Variants in CLNK observed in about 807,000 individuals in gnomAD.
CLNK encodes cytokine-dependent hematopoietic cell linker.
In CLNK, 74 loss-of-function variants were observed where a neutral mutation model predicts 68.6. The observed-to-expected ratio is 1.08, with a 90% confidence interval of 0.89 to 1.31. The LOEUF is 1.31. Among genes scored for constraint, CLNK ranks in the 50% most tolerant of loss-of-function variants. The pLI is 0.00. For synonymous variants in CLNK, 198 were observed against 172.2 expected (o/e 1.15, Z -1.17); for missense variants, 553 against 515.3 (o/e 1.07, Z -0.71).
In CLNK at chr4:10,488,069, A is replaced by G. The variant is rs1209144395; in HGVS notation, c.*2398T>C. The G allele has an allele frequency of 2.0e-5, 3 of 152,152 alleles. No individual in the cohort carries two copies. Among genetic ancestry groups the G allele is most frequent in the Non-Finnish European group, 4.4e-5 (3 of 68,016 alleles). 9.4% of individuals were successfully genotyped at this position (152,152 alleles called of 1,614,324 possible). A position where few individuals can be genotyped will look rare whatever the true frequency, so the allele number is the denominator to read the frequency against. Reference sequence around the variant, plus strand: ...TACAGAAGTGTTCAAATACACAAAAATATTGTAAGCTTTTTATTGCAAGAT... The same window carrying G: ...TACAGAAGTGTTCAAATACACAAAAGTATTGTAAGCTTTTTATTGCAAGAT... On this transcript the variant is annotated 3_prime_UTR_variant, in exon 19 of 19. Transcript: ENST00000226951.
chr4:10,571,839 A>T (rs1720367180), intron 4 of CLNK, 61 bp from the exon 5 acceptor site: 1 of 1,297,970 alleles, frequency 7.7e-7, no homozygotes, highest in East Asian at 2.3e-5. Flanking sequence ...AACATCAAAA[A>T]GACTGGGCCC....
intron 1 of CLNK, among the ~76,000 whole-genome samples, chr4:10,678,353 A>C (rs1480937359): frequency 6.6e-6 from 1 of 152,204 alleles, no homozygotes; most frequent in African/African-American, 2.4e-5. Flanking sequence ...CTATGCAAGA[A>C]TAGTTCCACA....
chr4:10,600,877 G>C (rs1047610331), intron 2 of CLNK, among the ~76,000 whole-genome samples: 2 of 152,160 alleles, frequency 1.3e-5, no homozygotes, highest in African/African-American at 4.8e-5. Context: ...TGTAGCATTT[G>C]CCTAAATGGC....
In CLNK at chr4:10,507,977, T is replaced by C; in HGVS notation, c.966A>G (p.Ala322=). ...GCATTACCTTGTTCTCCTTCATGAA[T>C]GCCTCTTCCACTGCCTGGCGGCTGT... is the stretch of plus-strand genomic sequence containing the variant. ...GEYSRQAVEE[A]FMKENKDGSF... Residue 322 remains alanine, a synonymous_variant, in exon 17 of 19, where the codon GCA becomes GCG. Transcript: ENST00000226951. 1.2e-6 allele frequency: 2 copies of C among 1,609,430 alleles called. No individual in the cohort carries two copies. Among genetic ancestry groups the C allele is most frequent in the Non-Finnish European group, 1.7e-6 (2 of 1,177,884 alleles).
the CLNK span, among the ~76,000 whole-genome samples, chr4:10,725,734 A>C: frequency 6.6e-6 from 1 of 152,090 alleles, no homozygotes. Flanking sequence ...GGGCGCCTGT[A>C]GTCCCAGCTA....
intron 18 of CLNK, among the ~76,000 whole-genome samples, chr4:10,499,885 A>G (rs1716969567): frequency 6.6e-6 from 1 of 152,042 alleles, no homozygotes; most frequent in Admixed American, 6.5e-5. Flanking sequence ...CATCTCTCAT[A>G]TTGGATTAGG....
At chr4:10,589,140 G>A (rs1015135843) in intron 3 of CLNK, among the ~76,000 whole-genome samples, 3 of 152,182 alleles carry the variant, frequency 2.0e-5, no homozygotes, top group African/African-American at 7.2e-5. Context: ...GAGGGTGGGA[G>A]GAAACTTTTG....
chr4:10,492,121 G>T (rs1716600440), intron 18 of CLNK, among the ~76,000 whole-genome samples: 1 of 152,208 alleles, frequency 6.6e-6, no homozygotes, highest in Non-Finnish European at 1.5e-5. Context: ...CAGGGGGAAT[G>T]ATCTTCCCTA....
chr4:10,609,216 T>C (rs187454319), intron 2 of CLNK, among the ~76,000 whole-genome samples: 6 of 152,320 alleles, frequency 3.9e-5, no homozygotes, highest in Admixed American at 2.0e-4. Context: ...CTTTATTTAC[T>C]CCTGATTTGA....
intron 18 of CLNK, among the ~76,000 whole-genome samples, chr4:10,494,763 C>G (rs1716740532): frequency 6.6e-6 from 1 of 151,992 alleles, no homozygotes; most frequent in Non-Finnish European, 1.5e-5. Flanking sequence ...CCAGCCTGGT[C>G]CTTTCTTATT....
chr4:10,570,448 T>A (rs1577136756), intron 5 of CLNK, among the ~76,000 whole-genome samples: 1 of 152,196 alleles, frequency 6.6e-6, no homozygotes, highest in African/African-American at 2.4e-5. Flanking sequence ...TAGAGTTATA[T>A]CTATTTATCT....
At chr4:10,622,668 A>T (rs1387893936) in intron 2 of CLNK, among the ~76,000 whole-genome samples, 2 of 152,234 alleles carry the variant, frequency 1.3e-5, no homozygotes, top group African/African-American at 2.4e-5. Flanking sequence ...TACCAAATTC[A>T]TACTATGAAA....
At chr4:10,667,347 A>G (rs150746217) in intron 2 of CLNK, among the ~76,000 whole-genome samples, 3 of 148,212 alleles carry the variant, frequency 2.0e-5, no homozygotes, top group African/African-American at 7.5e-5. Context: ...CACTATAAAT[A>G]TTTCTTAAAC....
intron 16 of CLNK, among the ~76,000 whole-genome samples, chr4:10,511,406 T>G (rs1485366923): frequency 6.6e-6 from 1 of 152,196 alleles, no homozygotes; most frequent in Non-Finnish European, 1.5e-5. Context: ...GGTGTATAAT[T>G]CAGTGGCATT....
intron 1 of CLNK, among the ~76,000 whole-genome samples, chr4:10,676,539 T>C (rs1724883314): frequency 6.6e-6 from 1 of 152,170 alleles, no homozygotes; most frequent in East Asian, 1.9e-4. Context: ...TGTGCATTCA[T>C]TTTAATTTTA....
At chr4:10,674,918 A>T (rs1259285202) in intron 1 of CLNK, among the ~76,000 whole-genome samples, 2 of 150,614 alleles carry the variant, frequency 1.3e-5, no homozygotes, top group Non-Finnish European at 3.0e-5. Flanking sequence ...ATCCGTGTTC[A>T]TGTTCATGAG....
intron 8 of CLNK, among the ~76,000 whole-genome samples, chr4:10,556,472 A>G (rs1429752989): frequency 1.3e-5 from 2 of 152,220 alleles, no homozygotes; most frequent in Non-Finnish European, 2.9e-5. Flanking sequence ...TAGAGAGGTA[A>G]ACAGACATAC....
chr4:10,642,647 C>T (rs1421526708), intron 2 of CLNK, among the ~76,000 whole-genome samples: 4 of 152,142 alleles, frequency 2.6e-5, no homozygotes, highest in Non-Finnish European at 4.4e-5. Flanking sequence ...CTGCAGTTTC[C>T]TCATCTATAT....
At chr4:10,724,035 T>G in the CLNK span, among the ~76,000 whole-genome samples, 1 of 152,088 alleles carries the variant, frequency 6.6e-6, no homozygotes, top group Non-Finnish European at 1.5e-5. Flanking sequence ...GAGCATAAGA[T>G]GCTTTGCGCG....
Sources: allele counts gnomAD v4.1 joint callset (sites outside exome capture counted in the v4.1 genomes callset), GRCh38; gene constraint gnomAD v4.1.1; transcripts MANE v1.5; gene names NCBI Gene and HGNC (gene_info 2026-07-23, HGNC 2026-07-21).